Variants in PCDHGB4 observed in about 807,000 individuals in gnomAD.
PCDHGB4 encodes the protein protocadherin gamma subfamily B, 4.
A neutral mutation model predicts 60.5 loss-of-function variants in PCDHGB4; 38 were observed. The ratio of observed to expected loss-of-function variants is 0.63; its 90% confidence interval spans 0.48 to 0.82. The LOEUF is 0.82. Among genes scored for constraint, PCDHGB4 ranks in the 40% least tolerant of loss-of-function variants. PCDHGB4 has a pLI of 0.00. For missense variants in PCDHGB4, 1,109 were observed against 1,209.6 expected (o/e 0.92, Z 1.23); for synonymous variants, 456 against 509.7 (o/e 0.89, Z 1.42).
chr5:141,456,703 G>A (rs528071544), intron 1 of PCDHGB4, among the ~76,000 whole-genome samples: 37 of 152,180 alleles, frequency 2.4e-4, no homozygotes, highest in Non-Finnish European at 4.9e-4. Context: ...GGTGGCTCGC[G>A]CCTGTAATCC....
intron 1 of PCDHGB4, chr5:141,398,344 C>G (rs901692894): frequency 7.3e-7 from 1 of 1,372,066 alleles, no homozygotes; most frequent in African/African-American, 1.5e-5. Context: ...TTCGGAGAAG[C>G]CTTACTTCAC....
At chr5:141,413,115 A>C in intron 1 of PCDHGB4, 1 of 1,507,478 alleles carries the variant, frequency 6.6e-7, no homozygotes, top group Non-Finnish European at 8.9e-7. Context: ...AGACAAAGGA[A>C]CCGGTTGAAA....
chr5:141,501,970 T>C (rs2099812082), intron 2 of PCDHGB4, among the ~76,000 whole-genome samples: 1 of 152,068 alleles, frequency 6.6e-6, no homozygotes. Flanking sequence ...TCCTAACCTC[T>C]GGCATCTGGT....
Position 141,487,591 on chromosome 5 carries a change from C to G in PCDHGB4, c.2398-7216C>G, listed in dbSNP as rs2099653282. The G allele has an allele frequency of 1.2e-6, 2 of 1,614,176 alleles. No individual in the cohort carries two copies. The highest frequency in any genetic ancestry group is 1.7e-6 in the Non-Finnish European group (2 of 1,180,036). ...AGCCTGTTCGCCCAAGCTGCCCACC[C>G]TCTGATCTTCTCTATGGGCTAGAGG... is the stretch of plus-strand genomic sequence containing the variant. On this transcript the variant is annotated intron_variant, in intron 1 of 3. Coordinates refer to ENST00000519479, the MANE Select transcript of PCDHGB4 (RefSeq NM_003736.4). The surrounding 1 kb of genome is among the most constrained non-coding windows in gnomAD (Gnocchi z 5.0).
intron 1 of PCDHGB4, chr5:141,413,423 C>A (rs770419729): frequency 6.2e-7 from 1 of 1,614,078 alleles, no homozygotes; most frequent in Non-Finnish European, 8.5e-7. Flanking sequence ...TCTCTGAACC[C>A]GCGCAGCGGC....
chr5:141,431,227 C>A lies in PCDHGB4; in HGVS notation c.2397+40946C>A, dbSNP rs759752051. On this transcript the variant is annotated intron_variant, in intron 1 of 3. Transcript: ENST00000519479. This position sits in a 1 kb window ranked among gnomAD's most constrained non-coding sequence, Gnocchi z 4.8. Reference sequence around the variant, plus strand: ...CTGAGATGCGGTTCCCTCTACCCCACGCCTGGGATCCGGATATCGGGAAGA... The same window carrying A: ...CTGAGATGCGGTTCCCTCTACCCCAAGCCTGGGATCCGGATATCGGGAAGA... 6.2e-7 allele frequency: 1 copy of A among 1,614,180 alleles called. No homozygotes were observed. The highest frequency in any genetic ancestry group is 8.5e-7 in the Non-Finnish European group (1 of 1,180,042).
chr5:141,499,486 C>T (rs569172977), intron 2 of PCDHGB4, among the ~76,000 whole-genome samples: 3 of 152,284 alleles, frequency 2.0e-5, no homozygotes, highest in East Asian at 1.9e-4. Context: ...CCACCAACTA[C>T]AGTTTAATAT....
At chr5:141,434,691 A>G (rs1263712056) in intron 1 of PCDHGB4, among the ~76,000 whole-genome samples, 2 of 152,150 alleles carry the variant, frequency 1.3e-5, no homozygotes. Flanking sequence ...GCTTGCTGTT[A>G]ATAAATATGT....
chr5:141,447,064 C>T (rs1453083716), intron 1 of PCDHGB4, among the ~76,000 whole-genome samples: 1 of 152,064 alleles, frequency 6.6e-6, no homozygotes, highest in Non-Finnish European at 1.5e-5. Context: ...ATGTGTCAGG[C>T]TGTTTTAATT....
intron 1 of PCDHGB4, chr5:141,423,905 G>T: frequency 7.9e-7 from 1 of 1,273,594 alleles, no homozygotes; most frequent in Non-Finnish European, 9.9e-7. Flanking sequence ...GATTTCAAAG[G>T]GGCCATTCAA....
rs1383090266 is a variant in PCDHGB4, at chr5:141,388,828, T to C, written c.944T>C (p.Ile315Thr). 6.2e-7 allele frequency: 1 copy of C among 1,613,894 alleles called. No homozygotes were observed. Among genetic ancestry groups the C allele is most frequent in the South Asian group, 1.1e-5 (1 of 91,070 alleles). ...LDFEEVKEYS[I>T]VLEARDGGGM... ...TTTGAAGAAGTCAAAGAATATTCCA[T>C]AGTTTTGGAAGCAAGGGACGGTGGA... Residue 315 changes from isoleucine (I) to threonine (T), a missense_variant, in exon 1 of 4, where the codon ATA becomes ACA. Ile to Thr is a moderately conservative substitution (Grantham distance 89). Around this residue, in one of 2 missense-constraint regions of PCDHGB4, gnomAD observed 1,068 missense variants for 1,089.9 expected, o/e 0.98. Coordinates refer to ENST00000519479, the MANE Select transcript of PCDHGB4 (RefSeq NM_003736.4).
rs1018384314 is a variant in PCDHGB4 at position 141,490,427 on chromosome 5, A to G, written c.2398-4380A>G. On this transcript the variant is annotated intron_variant, in intron 1 of 3. Coordinates refer to ENST00000519479, the MANE Select transcript of PCDHGB4 (RefSeq NM_003736.4). This position sits in a 1 kb window ranked among gnomAD's most constrained non-coding sequence, Gnocchi z 5.4. ...GATATCTCTCCGGACCTGCCATTTCAGATTAAGCCTTCTGAGAACCACTAC... is the reference window on the plus strand; with the variant it reads ...GATATCTCTCCGGACCTGCCATTTCGGATTAAGCCTTCTGAGAACCACTAC... 6.2e-7 allele frequency: 1 copy of G among 1,614,092 alleles called. No individual in the cohort carries two copies.
chr5:141,388,835 G>T lies in PCDHGB4; in HGVS notation c.951G>T (p.Leu317Phe). 1 of 1,613,946 alleles carries T rather than the reference G, an allele frequency of 6.2e-7. No homozygotes were observed. The highest frequency in any genetic ancestry group is 1.1e-5 in the South Asian group (1 of 91,076). The change falls in exon 1 of 4, where the codon TTG becomes TTT. Residue 317 changes from leucine (L) to phenylalanine (F), a missense_variant. Transcript: ENST00000519479. ...FEEVKEYSIV[L>F]EARDGGGMIA... ...AAGTCAAAGAATATTCCATAGTTTT[G>T]GAAGCAAGGGACGGTGGAGGAATGA...
chr5:141,485,687 C>T lies in PCDHGB4; in HGVS notation c.2398-9120C>T. 1 of 1,614,066 alleles carries T rather than the reference C, an allele frequency of 6.2e-7. No individual in the cohort carries two copies. Among genetic ancestry groups the T allele is most frequent in the Non-Finnish European group, 8.5e-7 (1 of 1,179,966 alleles). ...GAGCAATTCGATTAGCAGCTATAGG[C>T]TGAGCTCCAATGAACACTTTGCACT... On this transcript the variant is annotated intron_variant, in intron 1 of 3. Transcript: ENST00000519479. The surrounding 1 kb of genome is among the most constrained non-coding windows in gnomAD (Gnocchi z 5.7).
intron 2 of PCDHGB4, among the ~76,000 whole-genome samples, chr5:141,500,381 T>G (rs1013284512): frequency 7.2e-5 from 11 of 151,786 alleles, no homozygotes; most frequent in African/African-American, 2.7e-4. Flanking sequence ...GCTAATTATT[T>G]TGTATTTTTA....
intron 1 of PCDHGB4, chr5:141,404,696 G>A (rs757662807): frequency 6.2e-7 from 1 of 1,614,104 alleles, no homozygotes; most frequent in Non-Finnish European, 8.5e-7. Context: ...ACCCCGCTCT[G>A]CAGAGCCTGG....
At chr5:141,413,234 T>C (rs2095618811) in intron 1 of PCDHGB4, 2 of 1,613,838 alleles carry the variant, frequency 1.2e-6, no homozygotes, top group Non-Finnish European at 1.7e-6. Context: ...CTGGTCCTGC[T>C]CTGCCTTTTC....
chr5:141,419,206 G>T, intron 1 of PCDHGB4: 1 of 1,613,876 alleles, frequency 6.2e-7, no homozygotes, highest in Non-Finnish European at 8.5e-7. Flanking sequence ...ATGACAACGC[G>T]CCGGTTTTCG....
At chr5:141,409,830 G>T in intron 1 of PCDHGB4, 1 of 1,611,250 alleles carries the variant, frequency 6.2e-7, no homozygotes, top group South Asian at 1.1e-5. Flanking sequence ...CCCACGCTCA[G>T]CGCCAACGTG....
Sources: allele counts gnomAD v4.1 joint callset (sites outside exome capture counted in the v4.1 genomes callset), GRCh38; gene constraint gnomAD v4.1.1; regional missense constraint gnomAD v4.1.1; non-coding constraint Gnocchi (gnomAD v3.1); transcripts MANE v1.5; gene names NCBI Gene and HGNC (gene_info 2026-07-23, HGNC 2026-07-21).